Variants in GLIPR1L1 observed in about 807,000 individuals in gnomAD.
GLIPR1L1 encodes GLIPR1-like protein 1.
Under a neutral mutation model 29.9 loss-of-function variants are expected in GLIPR1L1, and 26 were observed. That is an observed-to-expected ratio of 0.87 (90% CI 0.64 to 1.21). GLIPR1L1 has a LOEUF of 1.21. GLIPR1L1 is among the 50% of genes most tolerant of loss of function. GLIPR1L1 has a pLI of 0.00. For synonymous variants in GLIPR1L1, 77 were observed against 97.5 expected (o/e 0.79, Z 1.24); for missense variants, 305 against 290.3 (o/e 1.05, Z -0.37).
rs775934608 is a variant in GLIPR1L1 at position 75,370,130 on chromosome 12, C to G, written c.683C>G (p.Ala228Gly). Reference protein sequence around the residue: ...KPTGRAPQQTAFNPFSLGFLL... With the variant: ...KPTGRAPQQTGFNPFSLGFLL... ...ACGGGGAGAGCACCTCAGCAGACAGCCTTTAATCCATTCAGCTTAGGTTTT... is the reference window on the plus strand; with the variant it reads ...ACGGGGAGAGCACCTCAGCAGACAGGCTTTAATCCATTCAGCTTAGGTTTT... Residue 228 changes from alanine to glycine, a missense_variant, in exon 6 of 6, where the codon GCC becomes GGC. By Grantham distance (60) the Ala-to-Gly change is moderately conservative. Coordinates refer to ENST00000378695, the MANE Select transcript of GLIPR1L1 (RefSeq NM_001304964.2). The G allele has an allele frequency of 1.2e-6, 2 of 1,606,390 alleles. No homozygotes were observed. The highest frequency in any genetic ancestry group is 1.1e-5 in the South Asian group (1 of 90,798).
intron 1 of GLIPR1L1, among the ~76,000 whole-genome samples, chr12:75,336,545 A>G (rs1290915633): frequency 6.6e-6 from 1 of 151,828 alleles, no homozygotes; most frequent in African/African-American, 2.4e-5. Flanking sequence ...TAAGACAAGG[A>G]GAACTACCAG....
At chr12:75,339,252 A>T (rs184436162) in intron 1 of GLIPR1L1, among the ~76,000 whole-genome samples, 51 of 152,208 alleles carry the variant, frequency 3.4e-4, no homozygotes, top group African/African-American at 1.1e-3. Context: ...TTCCCGCAAC[A>T]CTGCCAGCAC....
intron 3 of GLIPR1L1, among the ~76,000 whole-genome samples, chr12:75,348,323 CAA>C (rs2139405407): frequency 6.6e-6 from 1 of 152,112 alleles, no homozygotes; most frequent in Admixed American, 6.5e-5. Flanking sequence ...AAAACAAAGA[CAA>C]AGAATAAATA....
chr12:75,338,252 G>A (rs1316183648), intron 1 of GLIPR1L1, among the ~76,000 whole-genome samples: 2 of 152,060 alleles, frequency 1.3e-5, no homozygotes, highest in African/African-American at 4.8e-5. Context: ...TATATCATGG[G>A]ATTTATCTCA....
rs577486746 is a variant in GLIPR1L1 at position 75,352,094 on chromosome 12, A to G, written c.521+4372A>G. ...ACCAACAACACTATGAAGCAACTAT[A>G]TAAATCAGTCTGCAAAATAACCAGC... On this transcript the variant is annotated intron_variant, in intron 3 of 5. Coordinates refer to ENST00000378695, the MANE Select transcript of GLIPR1L1 (RefSeq NM_001304964.2). Among the ~76,000 whole-genome samples the G allele has an allele frequency of 3.3e-5, 5 of 152,356 alleles. No individual in the cohort carries two copies. The East Asian group carries it at 9.7e-4, about 29-fold the overall frequency.
chr12:75,351,623 T>G (rs2042821871), intron 3 of GLIPR1L1, among the ~76,000 whole-genome samples: 1 of 151,558 alleles, frequency 6.6e-6, no homozygotes, highest in South Asian at 2.1e-4. Flanking sequence ...CTTGACTTAC[T>G]ACCACCTCCA....
rs150675525 is a variant in GLIPR1L1 at position 75,334,718 on chromosome 12, C to A, written c.-11C>A. 1.2e-6 allele frequency: 2 copies of A among 1,610,518 alleles called. No individual in the cohort carries two copies. The highest frequency in any genetic ancestry group is 1.7e-6 in the Non-Finnish European group (2 of 1,177,934). ...CAGTCAGGGCATCCTCCGCATCCTC[C>A]ACATCCTTCCATGGCTCTGAAGAAT... On this transcript the variant is annotated 5_prime_UTR_variant, in exon 1 of 6. Coordinates refer to ENST00000378695, the MANE Select transcript of GLIPR1L1 (RefSeq NM_001304964.2).
At position 75,350,696 on chromosome 12, in the gene GLIPR1L1, G is replaced by T. The variant is rs143804351; in HGVS notation, c.521+2974G>T. On this transcript the variant is annotated intron_variant, in intron 3 of 5. Transcript: ENST00000378695. ...CCACAAAAACCCCATCCAAAGGTCA[G>T]CAGATTCAAAGATCAAAGGTAGATA... 1.2e-4 allele frequency among the ~76,000 whole-genome samples: 19 copies of T among 152,288 alleles called. No homozygotes were observed. The East Asian group carries it at 3.7e-3, about 29-fold the overall frequency.
intron 1 of GLIPR1L1, among the ~76,000 whole-genome samples, chr12:75,342,810 T>C (rs1398696707): frequency 6.6e-6 from 1 of 152,120 alleles, no homozygotes; most frequent in Non-Finnish European, 1.5e-5. Flanking sequence ...GAACATTTTA[T>C]ATCTCTCCAT....
rs1468845822 is a variant in GLIPR1L1 at position 75,370,290 on chromosome 12, A to G, written c.*114A>G. 2 of 588,044 alleles carry G rather than the reference A, an allele frequency of 3.4e-6. No homozygotes were observed. The highest frequency in any genetic ancestry group is 2.4e-5 in the South Asian group (1 of 42,472). The allele number at this position is 588,044 out of a possible 1,614,324, so 36.4% of individuals were successfully genotyped here. A position where few individuals can be genotyped will look rare whatever the true frequency, so the allele number is the denominator to read the frequency against. ...ACTGAATCTTCTACACTCTTGCCTG[A>G]TACCTAAATTTAATGTTTGTTTTTA... On this transcript the variant is annotated 3_prime_UTR_variant, in exon 6 of 6. Transcript: ENST00000378695.
intron 1 of GLIPR1L1, among the ~76,000 whole-genome samples, chr12:75,341,587 C>CA (rs983581501): frequency 3.3e-5 from 5 of 151,246 alleles, no homozygotes; most frequent in African/African-American, 1.2e-4. Context: ...ACTGAGACTA[C>CA]AGGCGCCCGC....
chr12:75,338,396 T>C (rs985694951), intron 1 of GLIPR1L1, among the ~76,000 whole-genome samples: 2 of 152,162 alleles, frequency 1.3e-5, no homozygotes, highest in African/African-American at 2.4e-5. Context: ...GGGAATTTAA[T>C]TGCTGTTTAC....
intron 4 of GLIPR1L1, among the ~76,000 whole-genome samples, chr12:75,364,473 C>G (rs2043830403): frequency 6.6e-6 from 1 of 152,186 alleles, no homozygotes; most frequent in Non-Finnish European, 1.5e-5. Context: ...TCAGTGGAAC[C>G]CCTATTGCCA....
In GLIPR1L1 at chr12:75,341,030, CA is replaced by C. The variant is rs113251142; in HGVS notation, c.175-2652del. Among the ~76,000 whole-genome samples the C allele has an allele frequency of 5.3e-3, 745 of 141,810 alleles. 7 individuals are homozygous for C. The highest frequency in any genetic ancestry group is 0.016 in the African/African-American group (641 of 38,962). 93.0% of individuals were successfully genotyped at this position (141,810 alleles called of 152,430 possible). A position where few individuals can be genotyped will look rare whatever the true frequency, so the allele number is the denominator to read the frequency against. On this transcript the variant is annotated intron_variant, in intron 1 of 5. Coordinates refer to ENST00000378695, the MANE Select transcript of GLIPR1L1 (RefSeq NM_001304964.2). The stretch of plus-strand genomic sequence containing the variant: ...TAGGAAATAGTTTGGCAATTTCTTA[CA>C]AAAAAAAAAAGAACACCTAAACATA...
chr12:75,361,283 G>A (rs2043570582), intron 3 of GLIPR1L1, among the ~76,000 whole-genome samples: 1 of 152,188 alleles, frequency 6.6e-6, no homozygotes, highest in Non-Finnish European at 1.5e-5. Flanking sequence ...TTAGGAAAGG[G>A]TAGGTATATG....
chr12:75,367,013 G>T (rs2044015291), intron 4 of GLIPR1L1: 1 of 701,348 alleles, frequency 1.4e-6, no homozygotes, highest in Non-Finnish European at 2.6e-6. Context: ...GAGCTGAGGA[G>T]GTAAGTCTCT....
chr12:75,369,311 T>C (rs1355664780), intron 4 of GLIPR1L1, among the ~76,000 whole-genome samples: 1 of 145,340 alleles, frequency 6.9e-6, no homozygotes, highest in East Asian at 1.9e-4. Flanking sequence ...TTTACTCATC[T>C]TATTTATTTA....
intron 4 of GLIPR1L1, among the ~76,000 whole-genome samples, chr12:75,369,109 A>G (rs2044187697): frequency 1.3e-5 from 2 of 151,974 alleles, no homozygotes; most frequent in African/African-American, 4.8e-5. Flanking sequence ...TTATATATGT[A>G]GACCTTGGAG....
chr12:75,338,064 T>C (rs769975484), intron 1 of GLIPR1L1, among the ~76,000 whole-genome samples: 14 of 152,108 alleles, frequency 9.2e-5, no homozygotes, highest in African/African-American at 4.8e-5. Flanking sequence ...ACCAATCTTA[T>C]ACAAATCTCT....
Sources: gnomAD v4.1 joint callset for allele counts (sites outside exome capture counted in the v4.1 genomes callset) on GRCh38, gnomAD v4.1.1 for gene constraint, MANE v1.5 for transcripts, NCBI Gene and HGNC (gene_info 2026-07-23, HGNC 2026-07-21) for gene names.